The following ADGRV1 variants were observed in gnomAD, a reference collection of about 807,000 sequenced individuals.
The protein encoded by ADGRV1 is G-protein coupled receptor 98.
A neutral mutation model predicts 596.2 loss-of-function variants in ADGRV1; 359 were observed. The observed-to-expected ratio is 0.60, with a 90% CI of 0.55 to 0.66. The LOEUF is 0.66. Among genes scored for constraint, ADGRV1 ranks in the 30% least tolerant of loss-of-function variants. ADGRV1 has a pLI of 0.00. For synonymous variants in ADGRV1, 2,681 were observed against 2,679.2 expected (o/e 1.00, Z -0.02); for missense variants, 7,274 against 7,575.6 (o/e 0.96, Z 1.48).
intron 5 of ADGRV1, 151 bp from the exon 6 acceptor site, chr5:90,624,979 T>G: frequency 1.7e-6 from 1 of 577,958 alleles, no homozygotes; most frequent in East Asian, 2.9e-5. Context: ...TAGGACCTAT[T>G]AATTTGAAGG....
At chr5:90,717,548 T>C (rs997385158) in intron 43 of ADGRV1, 3 of 150,172 alleles carry the variant, frequency 2.0e-5, no homozygotes, top group African/African-American at 7.4e-5. Context: ...GATTCTGGAG[T>C]GCAGTGACGC....
intron 83 of ADGRV1, among the ~76,000 whole-genome samples, chr5:90,876,663 T>C (rs997486784): frequency 1.3e-5 from 2 of 152,174 alleles, no homozygotes; most frequent in African/African-American, 4.8e-5. Flanking sequence ...TTGAAGACTT[T>C]TGTGTGAATT....
At chr5:91,149,434 C>T (rs1795831180) in intron 87 of ADGRV1, among the ~76,000 whole-genome samples, 1 of 152,168 alleles carries the variant, frequency 6.6e-6, no homozygotes, top group Non-Finnish European at 1.5e-5. Flanking sequence ...CATTGTTTCT[C>T]CTGCCACCCT....
chr5:90,691,539 C>T (rs1746481211), intron 31 of ADGRV1, among the ~76,000 whole-genome samples: 1 of 151,912 alleles, frequency 6.6e-6, no homozygotes, highest in African/African-American at 2.4e-5. Flanking sequence ...CACATGCCAC[C>T]ATGCCTGGCT....
intron 83 of ADGRV1, among the ~76,000 whole-genome samples, chr5:90,945,797 C>T (rs1395273939): frequency 2.6e-5 from 4 of 151,892 alleles, no homozygotes; most frequent in Admixed American, 6.6e-5. Context: ...AAGAGCATGG[C>T]GAAACCCTGT....
intron 43 of ADGRV1, 30 bp from the exon 44 acceptor site, chr5:90,720,018 A>G: frequency 6.3e-7 from 1 of 1,575,874 alleles, no homozygotes; most frequent in Non-Finnish European, 8.7e-7. Flanking sequence ...ACTGTATTCT[A>G]GTAACCTTAT....
intron 84 of ADGRV1, among the ~76,000 whole-genome samples, chr5:90,975,620 G>A (rs776183564): frequency 1.2e-4 from 18 of 152,000 alleles, no homozygotes; most frequent in Non-Finnish European, 2.5e-4. Context: ...ACCAAACACC[G>A]CATGTTCTCA....
At chr5:91,145,804 A>G (rs1050557874) in intron 87 of ADGRV1, among the ~76,000 whole-genome samples, 3 of 152,234 alleles carry the variant, frequency 2.0e-5, no homozygotes, top group Non-Finnish European at 2.9e-5. Flanking sequence ...AGAAGGGATC[A>G]TTTGAGTAGA....
chr5:90,787,484 TA>T (rs1384571452), intron 67 of ADGRV1, among the ~76,000 whole-genome samples: 2 of 152,180 alleles, frequency 1.3e-5, no homozygotes, highest in East Asian at 3.9e-4. Flanking sequence ...ATACGTATTT[TA>T]ATATAGATTT....
intron 85 of ADGRV1, among the ~76,000 whole-genome samples, chr5:91,038,945 G>A (rs567469516): frequency 6.6e-6 from 1 of 152,272 alleles, no homozygotes; most frequent in South Asian, 2.1e-4. Context: ...GGGGTGTGAT[G>A]CCATCATTAA....
intron 87 of ADGRV1, among the ~76,000 whole-genome samples, chr5:91,126,343 A>G (rs1185942561): frequency 6.6e-6 from 1 of 152,258 alleles, no homozygotes; most frequent in Non-Finnish European, 1.5e-5. Context: ...TAGATGCTTC[A>G]TAATTTTCCA....
At chr5:90,798,620 C>CAAA (rs1215422914) in intron 70 of ADGRV1, among the ~76,000 whole-genome samples, 1 of 151,854 alleles carries the variant, frequency 6.6e-6, no homozygotes. Context: ...AGAGACACAA[C>CAAA]AAAAAAAGAA....
intron 89 of ADGRV1, among the ~76,000 whole-genome samples, chr5:91,158,633 A>G (rs576663386): frequency 5.6e-4 from 85 of 152,356 alleles, no homozygotes; most frequent in African/African-American, 2.0e-3. Context: ...TCAAATGAGC[A>G]AGTAGGTCAC....
intron 85 of ADGRV1, among the ~76,000 whole-genome samples, chr5:90,990,483 G>T (rs770082117): frequency 6.6e-6 from 1 of 152,052 alleles, no homozygotes; most frequent in African/African-American, 2.4e-5. Flanking sequence ...ACAATGCACC[G>T]TTCACAATAG....
chr5:90,596,759 C>CGGCATCAGAG (rs1327325352), intron 1 of ADGRV1, among the ~76,000 whole-genome samples: 1 of 152,084 alleles, frequency 6.6e-6, no homozygotes, highest in East Asian at 1.9e-4. Flanking sequence ...AGCTTCCGCT[C>CGGCATCAGAG]GGCATCAGAG....
At position 90,870,941 on chromosome 5, in the gene ADGRV1, G is replaced by A. The variant is rs529335493; in HGVS notation, c.17856+7084G>A. Among the ~76,000 whole-genome samples the A allele has an allele frequency of 9.0e-4, 137 of 152,284 alleles. 1 individual carries two copies. Among genetic ancestry groups the A allele is most frequent in the African/African-American group, 3.1e-3 (130 of 41,566 alleles). On this transcript the variant is annotated intron_variant, in intron 83 of 89. Transcript: ENST00000405460. Reference sequence around the variant, plus strand: ...ATTTGAATTTTTTAGGTCTAGGCAAGTGACTCCCTGCTAATGCACCTAACT... The same window carrying A: ...ATTTGAATTTTTTAGGTCTAGGCAAATGACTCCCTGCTAATGCACCTAACT...
chr5:90,681,952 C>T (rs1382984264), intron 27 of ADGRV1, among the ~76,000 whole-genome samples: 2 of 151,858 alleles, frequency 1.3e-5, no homozygotes, highest in Non-Finnish European at 2.9e-5. Context: ...CCACAACCTC[C>T]GCCTCCTGGG....
At chr5:90,774,996 A>T (rs138517235) in intron 60 of ADGRV1, among the ~76,000 whole-genome samples, 1 of 152,334 alleles carries the variant, frequency 6.6e-6, no homozygotes, top group East Asian at 1.9e-4. Flanking sequence ...CTTCAGAAAC[A>T]GGCATTTTAA....
At chr5:90,620,076 T>G in intron 4 of ADGRV1, among the ~76,000 whole-genome samples, 1 of 151,930 alleles carries the variant, frequency 6.6e-6, no homozygotes, top group East Asian at 1.9e-4. Context: ...TGCATGTGTC[T>G]TTATAGCAGC....
Sources: allele counts gnomAD v4.1 joint callset (sites outside exome capture counted in the v4.1 genomes callset), GRCh38; gene constraint gnomAD v4.1.1; transcripts MANE v1.5; gene names NCBI Gene and HGNC (gene_info 2026-07-23, HGNC 2026-07-21).